Variants in BMS1 observed in about 807,000 individuals in gnomAD.
The protein encoded by BMS1 is BMS1 ribosome biogenesis factor.
Under a neutral mutation model 138.7 loss-of-function variants are expected in BMS1, and 53 were observed. The ratio of observed to expected loss-of-function variants is 0.38; its 90% CI spans 0.31 to 0.48. BMS1 has a LOEUF of 0.48. Ranked by LOEUF, BMS1 falls within the 20% of genes least tolerant of loss-of-function variation. The pLI is 0.97. For synonymous variants in BMS1, 504 were observed against 539.9 expected, an observed-to-expected ratio of 0.93 and a Z score of 0.92; for missense variants, 1,360 against 1,565.5, an observed-to-expected ratio of 0.87 and a Z score of 2.22.
At chr10:42,791,881 A>G (rs1841517662) in intron 6 of BMS1, 112 bp downstream of exon 6, 1 of 1,325,454 alleles carries the variant, frequency 7.5e-7, no homozygotes. Flanking sequence ...TAGGGGGGAT[A>G]GAAGTGTAGT....
chr10:42,792,907 G>A, intron 7 of BMS1, 50 bp from the exon 8 acceptor site: 1 of 1,563,788 alleles, frequency 6.4e-7, no homozygotes, highest in Non-Finnish European at 8.7e-7. Context: ...AATGGTAGAT[G>A]CTTCTGACTT....
At chr10:42,816,311 A>G (rs534268913) in intron 13 of BMS1, among the ~76,000 whole-genome samples, 2 of 152,248 alleles carry the variant, frequency 1.3e-5, no homozygotes, top group Admixed American at 6.5e-5. Context: ...AAAATAAAAA[A>G]CAAAAACAAA....
intron 3 of BMS1, among the ~76,000 whole-genome samples, chr10:42,786,034 T>A (rs1199552377): frequency 6.6e-6 from 1 of 152,244 alleles, no homozygotes; most frequent in Non-Finnish European, 1.5e-5. Flanking sequence ...GCTTTCCTTT[T>A]CTTCCTGGTT....
rs778943158 is a variant in BMS1, at chr10:42,830,212, C to T, written c.3457-49C>T. The T allele has an allele frequency of 2.5e-6, 4 of 1,591,702 alleles. No homozygotes were observed. In the South Asian group the frequency reaches 4.6e-5, roughly 18 times the overall value. On this transcript the variant is annotated intron_variant, in intron 21 of 22. Coordinates refer to ENST00000374518, the MANE Select transcript of BMS1 (RefSeq NM_014753.4). ...AGATTTTATGCAGAAGTTTTAAATGCACATTGATCATAATTTGAATATGTC... is the reference window on the plus strand; with the variant it reads ...AGATTTTATGCAGAAGTTTTAAATGTACATTGATCATAATTTGAATATGTC...
At chr10:42,824,581 CCTATGTTTTCTT>C (rs1207436658) in intron 21 of BMS1, among the ~76,000 whole-genome samples, 1 of 152,068 alleles carries the variant, frequency 6.6e-6, no homozygotes, top group Non-Finnish European at 1.5e-5. Context: ...AGGCTTTCTC[CCTATGTTTTCTT>C]CTAGGAGTTT....
rs1381874288 is a variant in BMS1 at position 42,820,624 on chromosome 10, C to T, written c.2886C>T (p.His962=). 1.2e-6 allele frequency: 2 copies of T among 1,611,976 alleles called. No homozygotes were observed. Among genetic ancestry groups the T allele is most frequent in the Non-Finnish European group, 1.7e-6 (2 of 1,179,846 alleles). Residue 962 remains histidine, a synonymous_variant, in exon 17 of 23, where the codon CAC becomes CAT. Coordinates refer to ENST00000374518, the MANE Select transcript of BMS1 (RefSeq NM_014753.4). ...TCCCACTGTATTATATCGAAGACCA[C>T]AATGGAAGACAAAGGCTTCTAAAGT... ...QTIPLYYIED[H]NGRQRLLKYT...
intron 12 of BMS1, among the ~76,000 whole-genome samples, chr10:42,799,840 G>A (rs575870807): frequency 6.6e-6 from 1 of 152,192 alleles, no homozygotes; most frequent in Non-Finnish European, 1.5e-5. Flanking sequence ...CTTTTACTTG[G>A]TCTTCATTAC....
At chr10:42,809,923 C>G (rs1385759647) in intron 13 of BMS1, among the ~76,000 whole-genome samples, 1 of 151,146 alleles carries the variant, frequency 6.6e-6, no homozygotes, top group Non-Finnish European at 1.5e-5. Context: ...GTAGCTGGGA[C>G]TACAAGTGTG....
chr10:42,806,687 A>C (rs563908751), intron 13 of BMS1, among the ~76,000 whole-genome samples: 1 of 149,306 alleles, frequency 6.7e-6, no homozygotes, highest in South Asian at 2.1e-4. Context: ...GTAAGCTGAG[A>C]TCGCGCCACT....
intron 13 of BMS1, among the ~76,000 whole-genome samples, chr10:42,804,622 T>C (rs2419111): frequency 0.37 from 55,569 of 152,038 alleles, 10,819 homozygotes; most frequent in East Asian, 0.63. Context: ...ATCACATGTG[T>C]TATCCAATTA....
intron 15 of BMS1, among the ~76,000 whole-genome samples, chr10:42,818,722 G>C (rs1458611888): frequency 6.6e-6 from 1 of 152,212 alleles, no homozygotes; most frequent in Non-Finnish European, 1.5e-5. Flanking sequence ...CAGGGACTTA[G>C]ATGTAGATGC....
intron 12 of BMS1, among the ~76,000 whole-genome samples, chr10:42,799,120 C>G (rs891914552): frequency 3.3e-5 from 5 of 152,124 alleles, no homozygotes; most frequent in Non-Finnish European, 7.3e-5. Flanking sequence ...CTCTCTCTCT[C>G]TCTTTAAGAT....
At chr10:42,825,505 T>C (rs1306686093) in intron 21 of BMS1, among the ~76,000 whole-genome samples, 2 of 150,358 alleles carry the variant, frequency 1.3e-5, no homozygotes, top group African/African-American at 2.5e-5. Flanking sequence ...TGTACACATC[T>C]CTCACCTTCT....
chr10:42,814,777 G>T (rs1221761533), intron 13 of BMS1, among the ~76,000 whole-genome samples: 5 of 152,164 alleles, frequency 3.3e-5, no homozygotes, highest in African/African-American at 9.7e-5. Flanking sequence ...CAGGGGAGCT[G>T]CCCCAGGCTG....
intron 15 of BMS1, among the ~76,000 whole-genome samples, chr10:42,817,940 G>A (rs1184524326): frequency 1.3e-5 from 2 of 152,176 alleles, no homozygotes; most frequent in Non-Finnish European, 2.9e-5. Flanking sequence ...ACTCATCCTG[G>A]TCAGAGTTCA....
Position 42,834,331 on chromosome 10 carries a change from C to G in BMS1, c.*3235C>G, listed in dbSNP as rs1220733935. 6.6e-6 allele frequency: 1 copy of G among 151,956 alleles called. No homozygotes were observed. Among genetic ancestry groups the G allele is most frequent in the African/African-American group, 2.4e-5 (1 of 41,340 alleles). The allele number at this position is 151,956 out of a possible 1,614,324, so 9.4% of individuals were successfully genotyped here. ...GCCATTTCAGAAATAAATGTTTGAG[C>G]AAAGAGGAAAGCCACCGGGTCTGAT... On this transcript the variant is annotated 3_prime_UTR_variant, in exon 23 of 23. Transcript: ENST00000374518.
rs1388020507 is a variant in BMS1 at position 42,823,154 on chromosome 10, G to A, written c.3169G>A (p.Glu1057Lys). 1 of 1,606,944 alleles carries A rather than the reference G, an allele frequency of 6.2e-7. No homozygotes were observed. The highest frequency in any genetic ancestry group is 8.5e-7 in the Non-Finnish European group (1 of 1,178,196). The change falls in exon 20 of 23, where the codon GAA (glutamate) becomes AAA (lysine). Residue 1057 changes from glutamate to lysine, a missense_variant. Physicochemically the swap from Glu to Lys is moderately conservative, Grantham distance 56. Transcript: ENST00000374518. ...TTCTGCCTTGGAAGTGGCCAAATTT[G>A]AAGGTGCTGTGATTCGAACAGTCAG... is the stretch of plus-strand genomic sequence containing the variant. ...FNSALEVAKF[E>K]GAVIRTVSGI...
intron 8 of BMS1, among the ~76,000 whole-genome samples, chr10:42,793,396 G>A (rs371467397): frequency 6.6e-6 from 1 of 151,696 alleles, no homozygotes; most frequent in African/African-American, 2.4e-5. Context: ...TTGCTGCTGT[G>A]TGGCGCCTGC....
intron 21 of BMS1, among the ~76,000 whole-genome samples, chr10:42,829,396 CTGT>C (rs1266279911): frequency 6.6e-6 from 1 of 152,146 alleles, no homozygotes; most frequent in Non-Finnish European, 1.5e-5. Flanking sequence ...TTGCCTTCAT[CTGT>C]TGTTTGAGTC....
Sources: gnomAD v4.1 joint callset for allele counts (sites outside exome capture counted in the v4.1 genomes callset) on GRCh38, gnomAD v4.1.1 for gene constraint, MANE v1.5 for transcripts, NCBI Gene and HGNC (gene_info 2026-07-23, HGNC 2026-07-21) for gene names.